CHMP1B: variants seen among roughly 807,000 people sequenced by gnomAD.
The protein encoded by CHMP1B is charged multivesicular body protein 1B.
In CHMP1B, 5 loss-of-function variants were observed where a neutral mutation model predicts 11.5. The observed-to-expected ratio is 0.43, with a 90% CI of 0.23 to 0.91. CHMP1B has a LOEUF of 0.91. Ranked by LOEUF, CHMP1B falls within the 40% of genes least tolerant of loss-of-function variation. The pLI is 0.25. For synonymous variants in CHMP1B, 105 were observed against 105.7 expected, an observed-to-expected ratio of 0.99 and a Z score of 0.04; for missense variants, 246 against 261.2, an observed-to-expected ratio of 0.94 and a Z score of 0.40.
Position 11,852,005 on chromosome 18 carries a change from A to T in CHMP1B, c.494A>T (p.Asn165Ile), listed in dbSNP as rs774638280. 1 of 1,613,702 alleles carries T rather than the reference A, an allele frequency of 6.2e-7. No homozygotes were observed. The highest frequency in any genetic ancestry group is 1.1e-5 in the South Asian group (1 of 91,086). ...GCAGATGAGGCGGGCCTCGACCTCAACATGGAGCTGCCGCAGGGCCAGACC... is the reference window on the plus strand; with the variant it reads ...GCAGATGAGGCGGGCCTCGACCTCATCATGGAGCTGCCGCAGGGCCAGACC... ...EMADEAGLDL[N>I]MELPQGQTGS... The change falls in exon 1 of 1, where the codon AAC (asparagine) becomes ATC (isoleucine). Residue 165 changes from asparagine to isoleucine, a missense_variant. By Grantham distance (149) the Asn-to-Ile change is moderately radical (BLOSUM62 -3). Coordinates refer to ENST00000526991, the MANE Select transcript of CHMP1B (RefSeq NM_020412.5).
chr18:11,852,147 C>T lies in CHMP1B; in HGVS notation c.*36C>T. On this transcript the variant is annotated 3_prime_UTR_variant, in exon 1 of 1. Transcript: ENST00000526991. ...CGCTCTGAGGTTTCCTGGCCATAGC[C>T]ACCCTTTGAAATGCTCTCTGTGTGT... 1 of 1,530,678 alleles carries T rather than the reference C, an allele frequency of 6.5e-7. No homozygotes were observed. The highest frequency in any genetic ancestry group is 8.8e-7 in the Non-Finnish European group (1 of 1,137,138). The allele number at this position is 1,530,678 out of a possible 1,614,324, so 94.8% of individuals were successfully genotyped here. A position where few individuals can be genotyped will look rare whatever the true frequency, so the allele number is the denominator to read the frequency against.
In CHMP1B at chr18:11,851,956, G is replaced by A; in HGVS notation, c.445G>A (p.Val149Met). Residue 149 changes from valine to methionine, a missense_variant, in exon 1 of 1, where the codon GTG becomes ATG. Physicochemically the swap from Val to Met is conservative, Grantham distance 21. Coordinates refer to ENST00000526991, the MANE Select transcript of CHMP1B (RefSeq NM_020412.5). ...GACGCTCACCACTCCCCAGAACCAA[G>A]TGGATATGCTGCTCCAGGAAATGGC... ...TTTLTTPQNQ[V>M]DMLLQEMADE... 4 of 1,613,946 alleles carry A rather than the reference G, an allele frequency of 2.5e-6. No individual in the cohort carries two copies. Among genetic ancestry groups the A allele is most frequent in the Non-Finnish European group, 3.4e-6 (4 of 1,179,892 alleles).
rs2143797083 is a variant in CHMP1B at position 11,853,747 on chromosome 18, ATC to A, written c.*1641_*1642del. 6.1e-6 allele frequency: 1 copy of A among 164,976 alleles called. No homozygotes were observed. The highest frequency in any genetic ancestry group is 1.9e-4 in the East Asian group (1 of 5,204). The allele number at this position is 164,976 out of a possible 1,614,324, so 10.2% of individuals were successfully genotyped here. ...GACACTTGTTAGTTGTCTGCCCAGC[ATC>A]TCTCAAGAATATCCCTCCTGTCCTC... On this transcript the variant is annotated 3_prime_UTR_variant, in exon 1 of 1. Coordinates refer to ENST00000526991, the MANE Select transcript of CHMP1B (RefSeq NM_020412.5).
Position 11,851,516 on chromosome 18 carries a change from C to T in CHMP1B, c.5C>T (p.Ser2Phe). ...ACCCAAAGGAGCCGTCCGACTATGTCTAACATGGAGAAACACCTGTTCAAC... is the reference window on the plus strand; with the variant it reads ...ACCCAAAGGAGCCGTCCGACTATGTTTAACATGGAGAAACACCTGTTCAAC... M[S>F]NMEKHLFNLK... Residue 2 changes from serine to phenylalanine, a missense_variant, in exon 1 of 1, where the codon TCT (serine) becomes TTT (phenylalanine). Physicochemically the swap from Ser to Phe is radical, Grantham distance 155. Coordinates refer to ENST00000526991, the MANE Select transcript of CHMP1B (RefSeq NM_020412.5). The T allele has an allele frequency of 6.3e-7, 1 of 1,585,164 alleles. No individual in the cohort carries two copies. Among genetic ancestry groups the T allele is most frequent in the East Asian group, 2.3e-5 (1 of 44,076 alleles).
At position 11,851,476 on chromosome 18, in the gene CHMP1B, T is replaced by C. The variant is rs1198095000; in HGVS notation, c.-36T>C. 6.7e-7 allele frequency: 1 copy of C among 1,499,866 alleles called. No individual in the cohort carries two copies. Among genetic ancestry groups the C allele is most frequent in the African/African-American group, 1.4e-5 (1 of 70,998 alleles). 92.9% of individuals were successfully genotyped at this position (1,499,866 alleles called of 1,614,324 possible). On this transcript the variant is annotated 5_prime_UTR_variant, in exon 1 of 1. Coordinates refer to ENST00000526991, the MANE Select transcript of CHMP1B (RefSeq NM_020412.5). Reference sequence around the variant, plus strand: ...ACCTTCTCTGCCTTCGGCGCGCTTCTCAGCCGGGCCGCCGACCCAAAGGAG... The same window carrying C: ...ACCTTCTCTGCCTTCGGCGCGCTTCCCAGCCGGGCCGCCGACCCAAAGGAG...
chr18:11,852,158 A>ATATT lies in CHMP1B; in HGVS notation c.*48_*49insATTT. On this transcript the variant is annotated 3_prime_UTR_variant, in exon 1 of 1. Transcript: ENST00000526991. ...TTCCTGGCCATAGCCACCCTTTGAA[A>ATATT]TGCTCTCTGTGTGTTAGAGAGATAC... The ATATT allele has an allele frequency of 6.6e-7, 1 of 1,514,448 alleles. No individual in the cohort carries two copies. Among genetic ancestry groups the ATATT allele is most frequent in the Non-Finnish European group, 8.9e-7 (1 of 1,128,998 alleles). The allele number at this position is 1,514,448 out of a possible 1,614,324, so 93.8% of individuals were successfully genotyped here.
rs1435626999 is a variant in CHMP1B at position 11,851,965 on chromosome 18, C to G, written c.454C>G (p.Leu152Val). ...LTTPQNQVDMLLQEMADEAGL... is the reference protein window; with the variant it reads ...LTTPQNQVDMVLQEMADEAGL... ...CACTCCCCAGAACCAAGTGGATATGCTGCTCCAGGAAATGGCAGATGAGGC... is the reference window on the plus strand; with the variant it reads ...CACTCCCCAGAACCAAGTGGATATGGTGCTCCAGGAAATGGCAGATGAGGC... The change falls in exon 1 of 1, where the codon CTG (leucine) becomes GTG (valine). Residue 152 changes from leucine (L) to valine (V), a missense_variant. Transcript: ENST00000526991. The G allele has an allele frequency of 6.2e-7, 1 of 1,613,902 alleles. No individual in the cohort carries two copies. The highest frequency in any genetic ancestry group is 1.1e-5 in the South Asian group (1 of 91,092).
Position 11,852,173 on chromosome 18 carries a change from TAGAG to T in CHMP1B, c.*66_*69del, listed in dbSNP as rs2035889809. 3.4e-6 allele frequency: 5 copies of T among 1,482,674 alleles called. No individual in the cohort carries two copies. In the African/African-American group the frequency reaches 4.2e-5, roughly 13 times the overall value. 91.8% of individuals were successfully genotyped at this position (1,482,674 alleles called of 1,614,324 possible). The stretch of plus-strand genomic sequence containing the variant: ...ACCCTTTGAAATGCTCTCTGTGTGT[TAGAG>T]AGATACTATACCCTAGAAACTCTGA... On this transcript the variant is annotated 3_prime_UTR_variant, in exon 1 of 1. Transcript: ENST00000526991.
Position 11,851,606 on chromosome 18 carries a change from A to G in CHMP1B, c.95A>G (p.Glu32Gly), listed in dbSNP as rs779086835. 9 of 1,613,780 alleles carry G rather than the reference A, an allele frequency of 5.6e-6. No homozygotes were observed. The highest frequency in any genetic ancestry group is 7.6e-6 in the Non-Finnish European group (9 of 1,179,770). ...AKKCDKEEKA[E>G]KAKIKKAIQK... ...AAATGCGATAAGGAGGAAAAGGCCG[A>G]AAAGGCCAAAATTAAAAAGGCCATT... is the stretch of plus-strand genomic sequence containing the variant. Residue 32 changes from glutamate to glycine, a missense_variant, in exon 1 of 1, where the codon GAA becomes GGA. Coordinates refer to ENST00000526991, the MANE Select transcript of CHMP1B (RefSeq NM_020412.5).
rs1286874878 is a variant in CHMP1B, at chr18:11,854,203, C to T, written c.*2092C>T. The T allele has an allele frequency of 6.0e-6, 1 of 167,032 alleles. No individual in the cohort carries two copies. Among genetic ancestry groups the T allele is most frequent in the African/African-American group, 2.4e-5 (1 of 41,440 alleles). The allele number at this position is 167,032 out of a possible 1,614,324, so 10.3% of individuals were successfully genotyped here. A position where few individuals can be genotyped will look rare whatever the true frequency, so the allele number is the denominator to read the frequency against. On this transcript the variant is annotated 3_prime_UTR_variant, in exon 1 of 1. Coordinates refer to ENST00000526991, the MANE Select transcript of CHMP1B (RefSeq NM_020412.5). The stretch of plus-strand genomic sequence containing the variant: ...GTTGAACCCTTTGGTAAACTAAAGA[C>T]CCTTTTATAATGCACATATTCCCAA...
At position 11,851,446 on chromosome 18, in the gene CHMP1B, A is replaced by G. The variant is rs566722839; in HGVS notation, c.-66A>G. On this transcript the variant is annotated 5_prime_UTR_variant, in exon 1 of 1. Coordinates refer to ENST00000526991, the MANE Select transcript of CHMP1B (RefSeq NM_020412.5). Reference sequence around the variant, plus strand: ...AGGAGCGGCGGCCGGGAGCGGACTTACCTTACCTTCTCTGCCTTCGGCGCG... The same window carrying G: ...AGGAGCGGCGGCCGGGAGCGGACTTGCCTTACCTTCTCTGCCTTCGGCGCG... The G allele has an allele frequency of 2.2e-5, 32 of 1,464,162 alleles. No homozygotes were observed. The highest frequency in any genetic ancestry group is 1.0e-4 in the African/African-American group (7 of 70,202). 90.7% of individuals were successfully genotyped at this position (1,464,162 alleles called of 1,614,324 possible). A position where few individuals can be genotyped will look rare whatever the true frequency, so the allele number is the denominator to read the frequency against.
Position 11,852,185 on chromosome 18 carries a change from A to G in CHMP1B, c.*74A>G. 2 of 1,450,550 alleles carry G rather than the reference A, an allele frequency of 1.4e-6. No homozygotes were observed. Among genetic ancestry groups the G allele is most frequent in the Non-Finnish European group, 1.8e-6 (2 of 1,093,758 alleles). 89.9% of individuals were successfully genotyped at this position (1,450,550 alleles called of 1,614,324 possible). On this transcript the variant is annotated 3_prime_UTR_variant, in exon 1 of 1. Coordinates refer to ENST00000526991, the MANE Select transcript of CHMP1B (RefSeq NM_020412.5). ...GCTCTCTGTGTGTTAGAGAGATACT[A>G]TACCCTAGAAACTCTGAACACGCCA...
chr18:11,851,783 C>G lies in CHMP1B; in HGVS notation c.272C>G (p.Ser91Trp). The G allele has an allele frequency of 1.2e-6, 2 of 1,613,968 alleles. No homozygotes were observed. The highest frequency in any genetic ancestry group is 1.7e-6 in the Non-Finnish European group (2 of 1,179,880). The change falls in exon 1 of 1, where the codon TCG becomes TGG. Residue 91 changes from serine (S) to tryptophan (W), a missense_variant. Transcript: ENST00000526991. ...TAVTMGKVTK[S>W]MAGVVKSMDA... is the part of the protein sequence containing the mutation. Reference sequence around the variant, plus strand: ...GTGACGATGGGCAAGGTGACCAAGTCGATGGCTGGTGTGGTTAAGTCGATG... The same window carrying G: ...GTGACGATGGGCAAGGTGACCAAGTGGATGGCTGGTGTGGTTAAGTCGATG...
rs1403552447 is a variant in CHMP1B at position 11,854,225 on chromosome 18, C to T, written c.*2114C>T. 1.8e-5 allele frequency: 3 copies of T among 167,116 alleles called. No individual in the cohort carries two copies. The highest frequency in any genetic ancestry group is 3.4e-3 in the Middle Eastern group (1 of 296). The allele number at this position is 167,116 out of a possible 1,614,324, so 10.4% of individuals were successfully genotyped here. A position where few individuals can be genotyped will look rare whatever the true frequency, so the allele number is the denominator to read the frequency against. Reference sequence around the variant, plus strand: ...AGACCCTTTTATAATGCACATATTCCCAACAAAATTAATATATTTTGTGAG... The same window carrying T: ...AGACCCTTTTATAATGCACATATTCTCAACAAAATTAATATATTTTGTGAG... On this transcript the variant is annotated 3_prime_UTR_variant, in exon 1 of 1. Transcript: ENST00000526991.
Position 11,851,516 on chromosome 18 carries a change from C to CT in CHMP1B, c.6dup (p.Asn3Ter). ...ACCCAAAGGAGCCGTCCGACTATGT[C>CT]TAACATGGAGAAACACCTGTTCAAC... On this transcript the variant is annotated frameshift_variant, in exon 1 of 1. Coordinates refer to ENST00000526991, the MANE Select transcript of CHMP1B (RefSeq NM_020412.5). LOFTEE classifies it high-confidence loss of function. 1 of 1,585,164 alleles carries CT rather than the reference C, an allele frequency of 6.3e-7. No homozygotes were observed. Among genetic ancestry groups the CT allele is most frequent in the East Asian group, 2.3e-5 (1 of 44,076 alleles).
rs1360455718 is a variant in CHMP1B, at chr18:11,851,537, T to C, written c.26T>C (p.Phe9Ser). 6.2e-7 allele frequency: 1 copy of C among 1,604,010 alleles called. No homozygotes were observed. The highest frequency in any genetic ancestry group is 2.2e-5 in the East Asian group (1 of 44,696). The change falls in exon 1 of 1, where the codon TTC (phenylalanine) becomes TCC (serine). Residue 9 changes from phenylalanine to serine, a missense_variant. Physicochemically the swap from Phe to Ser is radical, Grantham distance 155. Transcript: ENST00000526991. ...ATGTCTAACATGGAGAAACACCTGT[T>C]CAACCTGAAGTTCGCGGCCAAAGAA... is the stretch of plus-strand genomic sequence containing the variant. The part of the protein sequence containing the change: MSNMEKHL[F>S]NLKFAAKELS...
At position 11,853,544 on chromosome 18, in the gene CHMP1B, G is replaced by A. The variant is rs184613318; in HGVS notation, c.*1433G>A. 2.6e-4 allele frequency: 44 copies of A among 167,022 alleles called. No homozygotes were observed. The highest frequency in any genetic ancestry group is 1.1e-3 in the African/African-American group (44 of 41,502). 10.3% of individuals were successfully genotyped at this position (167,022 alleles called of 1,614,324 possible). The stretch of plus-strand genomic sequence containing the variant: ...TCCATTGTTTCAGAAAATAATTATA[G>A]GGGCCCTTCCAAGTTCTTTGAAAGA... On this transcript the variant is annotated 3_prime_UTR_variant, in exon 1 of 1. Transcript: ENST00000526991.
Position 11,851,882 on chromosome 18 carries a change from C to T in CHMP1B, c.371C>T (p.Thr124Ile), listed in dbSNP as rs2035878136. The T allele has an allele frequency of 1.9e-6, 3 of 1,613,868 alleles. No homozygotes were observed. Among genetic ancestry groups the T allele is most frequent in the Non-Finnish European group, 2.5e-6 (3 of 1,179,904 alleles). ...LMDKFEHQFE[T>I]LDVQTQQMED... ...GACAAATTCGAGCACCAGTTTGAGA[C>T]TCTGGACGTCCAGACGCAGCAAATG... Residue 124 changes from threonine (T) to isoleucine (I), a missense_variant, in exon 1 of 1, where the codon ACT (threonine) becomes ATT (isoleucine). Physicochemically the swap from Thr to Ile is moderately conservative, Grantham distance 89. Transcript: ENST00000526991.
rs1179833127 is a variant in CHMP1B, at chr18:11,853,076, T to G, written c.*965T>G. ...CCTAGGACTGTGTGTGTGTAGGTTT[T>G]GTTTTGATTTTAACAACCAAAAATA... is the stretch of plus-strand genomic sequence containing the variant. On this transcript the variant is annotated 3_prime_UTR_variant, in exon 1 of 1. Coordinates refer to ENST00000526991, the MANE Select transcript of CHMP1B (RefSeq NM_020412.5). 3 of 167,142 alleles carry G rather than the reference T, an allele frequency of 1.8e-5. No homozygotes were observed. Among genetic ancestry groups the G allele is most frequent in the African/African-American group, 7.2e-5 (3 of 41,472 alleles). The allele number at this position is 167,142 out of a possible 1,614,324, so 10.4% of individuals were successfully genotyped here.
Sources: allele counts gnomAD v4.1 joint callset, GRCh38; gene constraint gnomAD v4.1.1; transcripts MANE v1.5; gene names NCBI Gene and HGNC (gene_info 2026-07-23, HGNC 2026-07-21).